The following PABPC4L variants were observed in gnomAD, a reference collection of about 807,000 sequenced individuals.
The protein encoded by PABPC4L is poly(A) binding protein cytoplasmic 4 like, also known as polyadenylate-binding protein 4-like.
For missense variants in PABPC4L, 452 were observed against 451.4 expected (o/e 1.00, Z -0.01); for synonymous variants, 169 against 164.1 (o/e 1.03, Z -0.23).
chr4:134,012,355 T>A, the PABPC4L span, among the ~76,000 whole-genome samples: 1 of 152,014 alleles, frequency 6.6e-6, no homozygotes, highest in Non-Finnish European at 1.5e-5. Flanking sequence ...ACTGATGACA[T>A]TGTCTTGTGA....
the PABPC4L span, among the ~76,000 whole-genome samples, chr4:134,120,354 T>A: frequency 6.7e-6 from 1 of 149,910 alleles, no homozygotes; most frequent in Non-Finnish European, 1.5e-5. Flanking sequence ...TATAGGCTAT[T>A]ATTGATAATT....
At chr4:133,977,859 G>A in the PABPC4L span, 1 of 152,096 alleles carries the variant, frequency 6.6e-6, no homozygotes, top group South Asian at 2.1e-4. Flanking sequence ...ACATGGTATG[G>A]TACTATCTGG....
At chr4:134,172,031 G>GA in the PABPC4L span, among the ~76,000 whole-genome samples, 740 of 151,230 alleles carry the variant, frequency 4.9e-3, 2 homozygotes, top group Middle Eastern at 0.01. Context: ...ATGAACAGAT[G>GA]AAAAAAAACA....
the PABPC4L span, among the ~76,000 whole-genome samples, chr4:134,030,151 G>A: frequency 1.2e-4 from 18 of 152,090 alleles, no homozygotes; most frequent in Non-Finnish European, 1.6e-4. Flanking sequence ...AAGGCAGCAC[G>A]AGAAAGGATT....
the PABPC4L span, among the ~76,000 whole-genome samples, chr4:133,959,830 T>C: frequency 1.1e-3 from 173 of 152,368 alleles, no homozygotes; most frequent in Non-Finnish European, 1.9e-3. Flanking sequence ...TGTTTGGCTA[T>C]GTTCAAGTCT....
chr4:134,195,533 G>A (rs1729629875), downstream of PABPC4L, among the ~76,000 whole-genome samples: 1 of 151,768 alleles, frequency 6.6e-6, no homozygotes, highest in Admixed American at 6.6e-5. Context: ...TTAAAATAAG[G>A]ATTTTTAAAA....
chr4:134,039,247 G>A, the PABPC4L span, among the ~76,000 whole-genome samples: 1 of 152,058 alleles, frequency 6.6e-6, no homozygotes, highest in Non-Finnish European at 1.5e-5. Context: ...TTCCATTTAT[G>A]TGGTCAATTT....
At chr4:134,032,496 C>A in the PABPC4L span, among the ~76,000 whole-genome samples, 1 of 151,782 alleles carries the variant, frequency 6.6e-6, no homozygotes, top group Non-Finnish European at 1.5e-5. Context: ...TTGTTGTCTG[C>A]AATCATATAT....
chr4:134,072,907 G>A, the PABPC4L span, among the ~76,000 whole-genome samples: 1 of 152,036 alleles, frequency 6.6e-6, no homozygotes, highest in African/African-American at 2.4e-5. Context: ...CAGCATGAGG[G>A]TAACTGCCCC....
chr4:133,989,220 A>G, the PABPC4L span, among the ~76,000 whole-genome samples: 1 of 152,126 alleles, frequency 6.6e-6, no homozygotes, highest in Non-Finnish European at 1.5e-5. Flanking sequence ...TCGACTCCTC[A>G]TTGCTTATGC....
the PABPC4L span, among the ~76,000 whole-genome samples, chr4:133,960,527 T>C: frequency 1.3e-5 from 2 of 152,238 alleles, no homozygotes; most frequent in East Asian, 3.9e-4. Flanking sequence ...AAGTCTTCAG[T>C]TGAACTTTGT....
At chr4:134,124,716 G>T in the PABPC4L span, among the ~76,000 whole-genome samples, 3 of 151,950 alleles carry the variant, frequency 2.0e-5, no homozygotes, top group African/African-American at 7.2e-5. Context: ...CCTTACTTTT[G>T]TCTTGATCTA....
At chr4:134,086,316 A>G in the PABPC4L span, among the ~76,000 whole-genome samples, 1 of 151,712 alleles carries the variant, frequency 6.6e-6, no homozygotes, top group South Asian at 2.1e-4. Flanking sequence ...TCAATGTTCT[A>G]TTTTGCAGCT....
the PABPC4L span, among the ~76,000 whole-genome samples, chr4:134,014,927 C>T: frequency 1.3e-5 from 2 of 152,144 alleles, no homozygotes; most frequent in South Asian, 4.1e-4. Flanking sequence ...CTGCCCAGTT[C>T]CCTTATTAGG....
At chr4:134,160,761 G>T in the PABPC4L span, among the ~76,000 whole-genome samples, 1 of 152,076 alleles carries the variant, frequency 6.6e-6, no homozygotes, top group Admixed American at 6.5e-5. Context: ...CTACTCAGGA[G>T]TCTGAGGTGT....
At chr4:133,993,349 T>C in the PABPC4L span, among the ~76,000 whole-genome samples, 3 of 152,158 alleles carry the variant, frequency 2.0e-5, no homozygotes, top group Admixed American at 1.3e-4. Context: ...TGTGACAAAA[T>C]TGTTGAAACT....
At chr4:134,120,260 GTT>G in the PABPC4L span, among the ~76,000 whole-genome samples, 607 of 138,482 alleles carry the variant, frequency 4.4e-3, 2 homozygotes, top group African/African-American at 0.014. Flanking sequence ...TTGTTCTTTG[GTT>G]TTTTTTTTTT....
chr4:134,081,372 A>G, the PABPC4L span, among the ~76,000 whole-genome samples: 11 of 152,166 alleles, frequency 7.2e-5, no homozygotes, highest in Non-Finnish European at 1.3e-4. Flanking sequence ...AGCACTAAAC[A>G]TCAGAGTGGT....
chr4:134,195,192 C>T (rs937050596), downstream of PABPC4L, among the ~76,000 whole-genome samples: 8 of 151,536 alleles, frequency 5.3e-5, no homozygotes, highest in African/African-American at 1.9e-4. Context: ...TAAGATTTGC[C>T]TTGCATTCAA....
Sources: allele counts gnomAD v4.1 joint callset (sites outside exome capture counted in the v4.1 genomes callset), GRCh38; gene constraint gnomAD v4.1.1; transcripts MANE v1.5; gene names NCBI Gene and HGNC (gene_info 2026-07-23, HGNC 2026-07-21).